UNC79: variants seen among roughly 807,000 people sequenced by gnomAD.
UNC79 encodes protein unc-79 homolog.
In UNC79, 37 loss-of-function variants were observed where a neutral mutation model predicts 283.1. That is an observed-to-expected ratio of 0.13 (90% CI 0.10 to 0.17). The LOEUF (loss-of-function observed/expected upper bound fraction) is 0.17. Ranked by LOEUF, UNC79 falls within the 10% of genes least tolerant of loss-of-function variation. The pLI is 1.00. For synonymous variants in UNC79, 1,107 were observed against 1,200.2 expected (o/e 0.92, Z 1.61); for missense variants, 2,272 against 3,211.1 (o/e 0.71, Z 7.07).
At chr14:93,502,526 A>C (rs2059346208) in intron 7 of UNC79, among the ~76,000 whole-genome samples, 1 of 152,208 alleles carries the variant, frequency 6.6e-6, no homozygotes, top group African/African-American at 2.4e-5. Context: ...ATTGTAACTT[A>C]AGTTTCTTGA....
chr14:93,516,086 G>A (rs1323817751), intron 7 of UNC79, among the ~76,000 whole-genome samples: 1 of 151,844 alleles, frequency 6.6e-6, no homozygotes, highest in Non-Finnish European at 1.5e-5. Flanking sequence ...TCAATTTGTT[G>A]AAAAGAGTAT....
chr14:93,419,615 T>A (rs2140067370), intron 1 of UNC79, among the ~76,000 whole-genome samples: 1 of 151,974 alleles, frequency 6.6e-6, no homozygotes. Context: ...GTTTTATTGG[T>A]TTTCTTTTTG....
At chr14:93,648,062 C>CA (rs754453513) in intron 35 of UNC79, among the ~76,000 whole-genome samples, 1 of 152,152 alleles carries the variant, frequency 6.6e-6, no homozygotes, top group Non-Finnish European at 1.5e-5. Flanking sequence ...AGCTACAATT[C>CA]AAAATGAGAT....
chr14:93,618,774 G>C (rs1299910329), intron 29 of UNC79, among the ~76,000 whole-genome samples: 1 of 152,120 alleles, frequency 6.6e-6, no homozygotes, highest in African/African-American at 2.4e-5. Flanking sequence ...TTGCTGAAGT[G>C]CTTTTTCCTA....
At chr14:93,592,193 G>A (rs1280347738) in intron 22 of UNC79, among the ~76,000 whole-genome samples, 1 of 28,260 alleles carries the variant, frequency 3.5e-5, no homozygotes, top group Non-Finnish European at 6.5e-5. Context: ...TTTTTTTTTT[G>A]AGACTGAGTC....
chr14:93,459,674 C>CTTTTTTT lies in UNC79; in HGVS notation c.23-7989_23-7983dup, dbSNP rs34182907. 1.1e-4 allele frequency among the ~76,000 whole-genome samples: 10 copies of CTTTTTTT among 90,680 alleles called. 3 individuals carry two copies. Among genetic ancestry groups the CTTTTTTT allele is most frequent in the African/African-American group, 4.9e-4 (10 of 20,446 alleles). 59.5% of individuals were successfully genotyped at this position (90,680 alleles called of 152,430 possible). ...TGTTTTTGAACTTTGGTTTATTCAA[C>CTTTTTTT]TTTTTTTTTTTTTTGAGACGGAGTC... On this transcript the variant is annotated intron_variant, in intron 1 of 48. Coordinates refer to ENST00000555664, the Ensembl canonical transcript of UNC79.
intron 12 of UNC79, among the ~76,000 whole-genome samples, chr14:93,538,700 C>T (rs1371081757): frequency 2.0e-5 from 3 of 147,686 alleles, no homozygotes; most frequent in Non-Finnish European, 4.4e-5. Flanking sequence ...GGGACAACTC[C>T]AAGTAATTCC....
chr14:93,654,133 A>G (rs1035956462), intron 37 of UNC79, 108 bp downstream of exon 40: 7 of 716,038 alleles, frequency 9.8e-6, no homozygotes, highest in Non-Finnish European at 1.5e-5. Flanking sequence ...CTGAGGAAGG[A>G]TTGCAATGTT....
At chr14:93,491,356 T>C (rs2058714865) in intron 5 of UNC79, among the ~76,000 whole-genome samples, 3 of 151,940 alleles carry the variant, frequency 2.0e-5, no homozygotes, top group South Asian at 2.1e-4. Context: ...TGGCTTAAAA[T>C]AATCAAAATA....
intron 1 of UNC79, among the ~76,000 whole-genome samples, chr14:93,456,277 T>C (rs1222206541): frequency 1.3e-5 from 2 of 152,120 alleles, no homozygotes; most frequent in Non-Finnish European, 2.9e-5. Context: ...AGTATGATAA[T>C]AGTATGTGAT....
At chr14:93,554,192 A>G (rs1034901177) in intron 14 of UNC79, among the ~76,000 whole-genome samples, 2 of 152,078 alleles carry the variant, frequency 1.3e-5, no homozygotes, top group Non-Finnish European at 2.9e-5. Flanking sequence ...CACTAAAAAT[A>G]CAAAAATTAG....
chr14:93,406,894 C>G (rs1206161727), intron 1 of UNC79, among the ~76,000 whole-genome samples: 2 of 152,142 alleles, frequency 1.3e-5, no homozygotes, highest in Non-Finnish European at 2.9e-5. Flanking sequence ...AAAATTTATT[C>G]TGTTCTAGTT....
At chr14:93,596,427 G>A (rs148549836) in intron 23 of UNC79, among the ~76,000 whole-genome samples, 106 of 152,334 alleles carry the variant, frequency 7.0e-4, no homozygotes, top group African/African-American at 2.4e-3. Context: ...TTGAGGTCAG[G>A]AGTTCGAGAC....
intron 14 of UNC79, among the ~76,000 whole-genome samples, chr14:93,554,384 C>T (rs1231895719): frequency 6.6e-6 from 1 of 151,316 alleles, no homozygotes; most frequent in Non-Finnish European, 1.5e-5. Context: ...CTGTCTCTCT[C>T]TTTTTCCTGT....
chr14:93,619,126 A>G (rs2066940044), intron 29 of UNC79, among the ~76,000 whole-genome samples: 2 of 152,242 alleles, frequency 1.3e-5, no homozygotes, highest in African/African-American at 4.8e-5. Context: ...CCTCAAAAGT[A>G]TAAATTGTAC....
chr14:93,504,999 A>G (rs1362717267), intron 7 of UNC79, among the ~76,000 whole-genome samples: 3 of 152,016 alleles, frequency 2.0e-5, no homozygotes, highest in Admixed American at 1.3e-4. Flanking sequence ...GTCAGATAAC[A>G]TACTTTGTAT....
chr14:93,662,759 G>A (rs1473201003), intron 40 of UNC79, 45 bp downstream of exon 43: 23 of 1,445,990 alleles, frequency 1.6e-5, no homozygotes, highest in African/African-American at 4.2e-5. Context: ...CTGAAAACTG[G>A]CAGAAATATA....
Position 93,617,207 on chromosome 14 carries a change from G to A in UNC79, c.4127G>A (p.Arg1376Gln), listed in dbSNP as rs911799971. 8.1e-6 allele frequency: 13 copies of A among 1,613,970 alleles called. No individual in the cohort carries two copies. Among genetic ancestry groups the A allele is most frequent in the Middle Eastern group, 1.6e-4 (1 of 6,084 alleles). ...AAATACTGCTCTTGTCCTCAACTCC[G>A]GCATTATTTCCAACAGCCGCCTCGT... is the stretch of plus-strand genomic sequence containing the variant. Residue 1376 changes from arginine (R) to glutamine (Q), a missense_variant, in exon 28 of 49, where the codon CGG becomes CAG. Physicochemically the swap from Arg to Gln is conservative, Grantham distance 43. Coordinates refer to ENST00000555664, the Ensembl canonical transcript of UNC79. The surrounding 1 kb of genome is among the most constrained non-coding windows in gnomAD (Gnocchi z 4.5).
At chr14:93,470,944 A>G (rs559208753) in intron 2 of UNC79, among the ~76,000 whole-genome samples, 22 of 152,304 alleles carry the variant, frequency 1.4e-4, no homozygotes, top group Non-Finnish European at 8.8e-5. Flanking sequence ...AAAGGATCCT[A>G]GTCTTCTTCC....
Sources: allele counts gnomAD v4.1 joint callset (sites outside exome capture counted in the v4.1 genomes callset), GRCh38; gene constraint gnomAD v4.1.1; non-coding constraint Gnocchi (gnomAD v3.1); transcripts MANE v1.5; gene names NCBI Gene and HGNC (gene_info 2026-07-23, HGNC 2026-07-21).